The following VPS13D variants were observed in gnomAD, a reference collection of about 807,000 sequenced individuals.
VPS13D encodes the protein intermembrane lipid transfer protein VPS13D.
In VPS13D, 187 loss-of-function variants were observed where a neutral mutation model predicts 461.9. The observed-to-expected ratio is 0.40, with a 90% CI of 0.36 to 0.46. The LOEUF (loss-of-function observed/expected upper bound fraction) is 0.46, where lower values mean the gene tolerates loss of function less well. VPS13D is among the 20% of genes least tolerant of loss of function. The probability of loss-of-function intolerance (pLI) is 0.60; values close to 1 mark genes in which losing one functional copy is unlikely to be tolerated. For synonymous variants in VPS13D, 1,951 were observed against 1,986.3 expected (o/e 0.98, Z 0.47); for missense variants, 4,711 against 5,364.9 (o/e 0.88, Z 3.81).
chr1:12,361,641 C>T (rs1014886592), intron 50 of VPS13D, among the ~76,000 whole-genome samples: 22 of 151,440 alleles, frequency 1.5e-4, no homozygotes, highest in African/African-American at 5.3e-4. Flanking sequence ...GTGATCCGCC[C>T]GCCTCGGCCT....
intron 21 of VPS13D, among the ~76,000 whole-genome samples, chr1:12,284,561 A>G (rs1641906777): frequency 6.6e-6 from 1 of 152,244 alleles, no homozygotes; most frequent in African/African-American, 2.4e-5. Flanking sequence ...TAACCTGAAT[A>G]GCCCATTCGA....
At chr1:12,330,131 T>C (rs916922331) in intron 37 of VPS13D, among the ~76,000 whole-genome samples, 1 of 152,170 alleles carries the variant, frequency 6.6e-6, no homozygotes, top group Non-Finnish European at 1.5e-5. Context: ...AAAGATGTTT[T>C]TGGCTGGACG....
Position 12,411,469 on chromosome 1 carries a change from C to G in VPS13D, c.12031-3618C>G, listed in dbSNP as rs1355580443. 4.5e-5 allele frequency among the ~76,000 whole-genome samples: 5 copies of G among 112,136 alleles called. No individual in the cohort carries two copies. In the Admixed American group the frequency reaches 6.6e-4, roughly 15 times the overall value. 73.6% of individuals were successfully genotyped at this position (112,136 alleles called of 152,430 possible). On this transcript the variant is annotated intron_variant, in intron 63 of 69. Coordinates refer to ENST00000620676, the MANE Select transcript of VPS13D (RefSeq NM_015378.4). The stretch of plus-strand genomic sequence containing the variant: ...GCATCATAGGGAGACCCTGTCTCTA[C>G]AAAAATGGAAGGAAGGAAGGAAGGA...
chr1:12,290,761 G>A (rs990893015), intron 22 of VPS13D, among the ~76,000 whole-genome samples: 1 of 151,552 alleles, frequency 6.6e-6, no homozygotes, highest in South Asian at 2.1e-4. Flanking sequence ...TATTATTTCA[G>A]TCCCCTTTGG....
rs780781459 is a variant in VPS13D, at chr1:12,277,625, C to T, written c.4037C>T (p.Pro1346Leu). The T allele has an allele frequency of 4.3e-6, 7 of 1,613,854 alleles. No homozygotes were observed. Among genetic ancestry groups the T allele is most frequent in the African/African-American group, 1.3e-5 (1 of 74,904 alleles). Reference sequence around the variant, plus strand: ...GAGATGGTATCGCTCTTTGAAACTCCAAGGAAGACTCGGGAACCCTTTATC... The same window carrying T: ...GAGATGGTATCGCTCTTTGAAACTCTAAGGAAGACTCGGGAACCCTTTATC... The part of the protein sequence containing the change: ...YSEMVSLFET[P>L]RKTREPFILE... Residue 1346 changes from proline to leucine, a missense_variant, in exon 19 of 70, where the codon CCA (proline) becomes CTA (leucine). This residue lies in a region of VPS13D where 4,411 missense variants were observed against 4,937.8 expected (regional missense o/e 0.89). Coordinates refer to ENST00000620676, the MANE Select transcript of VPS13D (RefSeq NM_015378.4).
In VPS13D at chr1:12,511,430, C is replaced by T. The variant is rs1358498949; in HGVS notation, c.*2406C>T. ...CCCCTCCTGGTTCTCACCAGGAAAA[C>T]ATCCAAAGCTTTGGAGGAAACAGGC... On this transcript the variant is annotated 3_prime_UTR_variant, in exon 70 of 70. Transcript: ENST00000620676. This position sits in a 1 kb window ranked among gnomAD's most constrained non-coding sequence, Gnocchi z 4.5. The T allele has an allele frequency of 6.6e-6, 1 of 152,236 alleles. No individual in the cohort carries two copies. Among genetic ancestry groups the T allele is most frequent in the Non-Finnish European group, 1.5e-5 (1 of 68,052 alleles). 9.4% of individuals were successfully genotyped at this position (152,236 alleles called of 1,614,324 possible).
At chr1:12,231,915 G>T (rs1353131507) in intron 1 of VPS13D, among the ~76,000 whole-genome samples, 2 of 152,148 alleles carry the variant, frequency 1.3e-5, no homozygotes, top group Non-Finnish European at 2.9e-5. Flanking sequence ...TTGAACCCAG[G>T]AGATGGCGGT....
chr1:12,426,108 A>T (rs1419817478), intron 65 of VPS13D, among the ~76,000 whole-genome samples: 1 of 152,256 alleles, frequency 6.6e-6, no homozygotes, highest in Non-Finnish European at 1.5e-5. Context: ...GGTTGAAATG[A>T]GAGAAGAGGA....
chr1:12,445,280 C>T (rs1645178538), intron 65 of VPS13D, among the ~76,000 whole-genome samples: 1 of 152,192 alleles, frequency 6.6e-6, no homozygotes, highest in Admixed American at 6.5e-5. Flanking sequence ...GTACATTGAA[C>T]CAGATCTCTC....
At chr1:12,418,216 T>C (rs773945784) in intron 65 of VPS13D, among the ~76,000 whole-genome samples, 2 of 152,146 alleles carry the variant, frequency 1.3e-5, no homozygotes, top group Non-Finnish European at 2.9e-5. Context: ...ACAGCAACAG[T>C]CTTTTAGAGA....
chr1:12,482,493 G>A (rs1051753966), intron 67 of VPS13D, among the ~76,000 whole-genome samples: 1 of 152,206 alleles, frequency 6.6e-6, no homozygotes, highest in Non-Finnish European at 1.5e-5. Flanking sequence ...GTAAGTTAAA[G>A]AATGTACAAA....
In VPS13D at chr1:12,353,974, G is replaced by A. The variant is rs1165683316; in HGVS notation, c.9432G>A (p.Arg3144=). 3.1e-6 allele frequency: 5 copies of A among 1,613,162 alleles called. No individual in the cohort carries two copies. The highest frequency in any genetic ancestry group is 2.2e-5 in the East Asian group (1 of 44,858). The change falls in exon 47 of 70, where the codon AGG becomes AGA. Residue 3144 remains arginine (R), a splice_region_variant and synonymous_variant. Coordinates refer to ENST00000620676, the MANE Select transcript of VPS13D (RefSeq NM_015378.4). ...SMDTEKSRFF[R]FCVAIKKENY... ...TTTTTACACCATTTTATCTTCATAG[G>A]TTTTGTGTGGCTATAAAGAAAGAGA...
intron 33 of VPS13D, 39 bp downstream of exon 33, chr1:12,322,003 T>G: frequency 1.2e-6 from 2 of 1,608,256 alleles, no homozygotes; most frequent in Non-Finnish European, 1.7e-6. Flanking sequence ...TGATATGCTC[T>G]CAAACACTGT....
chr1:12,415,299 A>G (rs1644779848), intron 64 of VPS13D, 78 bp downstream of exon 64: 2 of 1,583,132 alleles, frequency 1.3e-6, no homozygotes, highest in African/African-American at 2.7e-5. Flanking sequence ...TTTGGTTACT[A>G]AGGCATTACT....
intron 67 of VPS13D, among the ~76,000 whole-genome samples, chr1:12,479,858 C>CT (rs1263964967): frequency 6.6e-6 from 1 of 152,150 alleles, no homozygotes; most frequent in African/African-American, 2.4e-5. Context: ...AGAGGAGGTA[C>CT]TATAAAATTT....
At position 12,319,528 on chromosome 1, in the gene VPS13D, C is replaced by T. The variant is rs757699937; in HGVS notation, c.7446C>T (p.Ser2482=). ...AGTTTGTGGTCATTGAAGATGTGTC[C>T]TGCTTCGACACCAATGCCATTATTC... The part of the protein sequence containing the change: ...GTEFVVIEDV[S]CFDTNAIILK... The change falls in exon 32 of 70, where the codon TCC becomes TCT. Residue 2482 remains serine (S), a synonymous_variant. Coordinates refer to ENST00000620676, the MANE Select transcript of VPS13D (RefSeq NM_015378.4). 1.2e-6 allele frequency: 2 copies of T among 1,614,132 alleles called. No individual in the cohort carries two copies. The highest frequency in any genetic ancestry group is 2.2e-5 in the South Asian group (2 of 91,080).
chr1:12,327,900 C>A, intron 36 of VPS13D, 46 bp downstream of exon 36: 2 of 1,558,050 alleles, frequency 1.3e-6, no homozygotes, highest in South Asian at 1.2e-5. Flanking sequence ...TATTTCCAGT[C>A]ATTGCTGAAT....
rs1249441117 is a variant in VPS13D, at chr1:12,321,949, C to T, written c.7689C>T (p.Phe2563=). Residue 2563 remains phenylalanine, a synonymous_variant, in exon 33 of 70, where the codon TTC becomes TTT. Transcript: ENST00000620676. ...GLMDAFNSED[F]PPVLEIQLQA... ...TGGATGCATTCAATAGTGAAGATTT[C>T]CCACCTGTCCTGGAGGTAATGATGC... The T allele has an allele frequency of 6.2e-7, 1 of 1,613,284 alleles. No individual in the cohort carries two copies. The highest frequency in any genetic ancestry group is 8.5e-7 in the Non-Finnish European group (1 of 1,179,736).
intron 21 of VPS13D, among the ~76,000 whole-genome samples, chr1:12,287,050 G>A (rs558371515): frequency 2.6e-5 from 4 of 152,110 alleles, no homozygotes; most frequent in South Asian, 4.1e-4. Context: ...TAGTAGAGAC[G>A]GGGTTTCATC....
Sources: allele counts gnomAD v4.1 joint callset (sites outside exome capture counted in the v4.1 genomes callset), GRCh38; gene constraint gnomAD v4.1.1; regional missense constraint gnomAD v4.1.1; non-coding constraint Gnocchi (gnomAD v3.1); transcripts MANE v1.5; gene names NCBI Gene and HGNC (gene_info 2026-07-23, HGNC 2026-07-21).